The following NTRK1 variants were observed in gnomAD, a reference collection of about 807,000 sequenced individuals.
NTRK1 encodes the protein high affinity nerve growth factor receptor.
Under a neutral mutation model 86.8 loss-of-function variants are expected in NTRK1, and 62 were observed. That is an observed-to-expected ratio of 0.71 (90% confidence interval 0.58 to 0.88). The LOEUF (loss-of-function observed/expected upper bound fraction) is 0.88, where lower values mean the gene tolerates loss of function less well. Ranked by LOEUF, NTRK1 falls within the 40% of genes least tolerant of loss-of-function variation. The pLI is 0.00. For missense variants in NTRK1, 967 were observed against 1,078.4 expected (o/e 0.90, Z 1.45); for synonymous variants, 469 against 456.6 (o/e 1.03, Z -0.35).
chr1:156,844,260 GC>G (rs772259106), intron 2 of NTRK1: 36 of 1,613,424 alleles, frequency 2.2e-5, no homozygotes, highest in Non-Finnish European at 3.1e-5. Context: ...AGGACATGCA[GC>G]CCCCCAGCAT....
intron 3 of NTRK1, chr1:156,865,189 TG>T (rs1655868072): frequency 6.7e-6 from 2 of 297,620 alleles, no homozygotes; most frequent in South Asian, 7.4e-5. Flanking sequence ...TCCTGGGAGC[TG>T]GGGTGTTAGG....
At chr1:156,855,117 C>G (rs1004677349) in intron 2 of NTRK1, among the ~76,000 whole-genome samples, 17 of 152,168 alleles carry the variant, frequency 1.1e-4, no homozygotes, top group African/African-American at 4.1e-4. Context: ...GGCTTGCCCA[C>G]CTCCTTAAGT....
At chr1:156,863,532 G>A (rs1241465873) in intron 1 of NTRK1, among the ~76,000 whole-genome samples, 1 of 151,912 alleles carries the variant, frequency 6.6e-6, no homozygotes, top group Non-Finnish European at 1.5e-5. Context: ...CCTCCTTGGG[G>A]TCCCTAACTG....
chr1:156,849,336 G>A (rs1313883943), intron 2 of NTRK1: 1 of 1,614,026 alleles, frequency 6.2e-7, no homozygotes, highest in Non-Finnish European at 8.5e-7. Flanking sequence ...CGGTAGATGT[G>A]TTCCAAGCAG....
chr1:156,879,047 G>T, intron 14 of NTRK1, 75 bp from the exon 15 acceptor site: 7 of 1,571,538 alleles, frequency 4.5e-6, no homozygotes, highest in South Asian at 3.5e-5. Flanking sequence ...ACACGCGGCT[G>T]CTGGGGATCG....
Position 156,874,055 on chromosome 1 carries a change from C to T in NTRK1, c.1177+96C>T, listed in dbSNP as rs1475076151. 9 of 1,326,792 alleles carry T rather than the reference C, an allele frequency of 6.8e-6. No individual in the cohort carries two copies. In the African/African-American group the frequency reaches 8.8e-5, roughly 13 times the overall value. 82.2% of individuals were successfully genotyped at this position (1,326,792 alleles called of 1,614,324 possible). On this transcript the variant is annotated intron_variant, in intron 8 of 16. Coordinates refer to ENST00000524377, the MANE Select transcript of NTRK1 (RefSeq NM_002529.4). ...AGCCCTGACCCCAGAAATTGGAGTG[C>T]CTGGTTCGGGACAGAAAGGAGTCTG... is the stretch of plus-strand genomic sequence containing the variant.
chr1:156,849,303 G>T (rs749184269), intron 2 of NTRK1: 1 of 1,613,940 alleles, frequency 6.2e-7, no homozygotes, highest in Non-Finnish European at 8.5e-7. Context: ...TGCCGACCTC[G>T]CGTGCCTGTC....
chr1:156,842,919 C>G (rs1654850388), intron 2 of NTRK1: 1 of 1,074,194 alleles, frequency 9.3e-7, no homozygotes. Flanking sequence ...TAATGGTGCC[C>G]TAACCTCATC....
intron 6 of NTRK1, among the ~76,000 whole-genome samples, chr1:156,869,133 G>A (rs754823184): frequency 2.0e-5 from 3 of 149,246 alleles, no homozygotes; most frequent in Non-Finnish European, 3.0e-5. Context: ...GTGCAGTGGC[G>A]CGATCTTGAC....
chr1:156,873,365 G>A (rs1411809833), intron 7 of NTRK1, among the ~76,000 whole-genome samples: 4 of 152,156 alleles, frequency 2.6e-5, no homozygotes, highest in Non-Finnish European at 5.9e-5. Context: ...CCACTCCTGT[G>A]GGGCTGTGAC....
At chr1:156,847,194 GT>G (rs1655043902) in intron 2 of NTRK1, among the ~76,000 whole-genome samples, 1 of 152,166 alleles carries the variant, frequency 6.6e-6, no homozygotes. Flanking sequence ...GACTTTGGAG[GT>G]TTATGAGCCT....
rs757991130 is a variant in NTRK1 at position 156,845,048 on chromosome 1, G to T, written c.50+2855G>T. 1.3e-4 allele frequency: 202 copies of T among 1,585,264 alleles called. 1 individual carries two copies. Among genetic ancestry groups the T allele is most frequent in the Admixed American group, 1.8e-5 (1 of 55,872 alleles). ...AGGGTCCTTGGGGTCGGTGATGGGG[G>T]TAGAAGGTGTGTGTGTGGATCACCT... On this transcript the variant is annotated intron_variant, in intron 2 of 16. Transcript: ENST00000392302.
chr1:156,816,099 G>A, intron 1 of NTRK1: 1 of 1,611,058 alleles, frequency 6.2e-7, no homozygotes, highest in Non-Finnish European at 8.5e-7. Flanking sequence ...GACTCCCTGT[G>A]AGCACAAAGA....
At chr1:156,825,545 G>C (rs1347410340) in intron 1 of NTRK1, among the ~76,000 whole-genome samples, 1 of 152,134 alleles carries the variant, frequency 6.6e-6, no homozygotes, top group South Asian at 2.1e-4. Context: ...ATGAGTTTTA[G>C]GTTTTACCAT....
chr1:156,857,163 A>ATGTGTGTGTGTG (rs57324546), upstream of NTRK1, among the ~76,000 whole-genome samples: 12 of 130,636 alleles, frequency 9.2e-5, no homozygotes, highest in African/African-American at 2.0e-4. Flanking sequence ...GCAGCTGTGT[A>ATGTGTGTGTGTG]TGTGTGTGTG....
intron 1 of NTRK1, chr1:156,840,755 C>T: frequency 1.3e-6 from 1 of 782,448 alleles, no homozygotes; most frequent in Non-Finnish European, 2.1e-6. Context: ...CTCTGCCCCA[C>T]CCTCGGCCAT....
At chr1:156,851,901 G>C in intron 2 of NTRK1, 1 of 1,586,230 alleles carries the variant, frequency 6.3e-7, no homozygotes, top group Non-Finnish European at 8.6e-7. Context: ...CTGCTATTAC[G>C]GGTGAAGCCA....
chr1:156,816,943 T>C, intron 1 of NTRK1: 1 of 401,740 alleles, frequency 2.5e-6, no homozygotes, highest in Non-Finnish European at 4.4e-6. Flanking sequence ...GTGGGGGGTA[T>C]CTGTGTCACT....
At chr1:156,850,911 A>G (rs532636325) in intron 2 of NTRK1, among the ~76,000 whole-genome samples, 50 of 152,212 alleles carry the variant, frequency 3.3e-4, no homozygotes, top group Non-Finnish European at 4.4e-4. Flanking sequence ...CTTGACTGGC[A>G]GATGATAGGA....
Sources: gnomAD v4.1 joint callset for allele counts (sites outside exome capture counted in the v4.1 genomes callset) on GRCh38, gnomAD v4.1.1 for gene constraint, MANE v1.5 for transcripts, NCBI Gene and HGNC (gene_info 2026-07-23, HGNC 2026-07-21) for gene names.